Variants in NHS observed in about 807,000 individuals in gnomAD.
NHS encodes NHS actin remodeling regulator, also known as actin remodeling regulator NHS.
A neutral mutation model predicts 72.5 loss-of-function variants in NHS; 5 were observed. The observed-to-expected ratio is 0.07, with a 90% CI of 0.04 to 0.14. The LOEUF is 0.14. Among genes scored for constraint, NHS ranks in the 10% least tolerant of loss-of-function variants. The probability of loss-of-function intolerance (pLI) is 1.00; values close to 1 mark genes in which losing one functional copy is unlikely to be tolerated. For missense variants in NHS, 1,072 were observed against 1,355.7 expected, an observed-to-expected ratio of 0.79 and a Z score of 3.29; for synonymous variants, 464 against 547.7, an observed-to-expected ratio of 0.85 and a Z score of 2.13.
intron 1 of NHS, among the ~76,000 whole-genome samples, chrX:17,560,297 C>G (rs775095048): frequency 3.6e-5 from 4 of 112,377 alleles, no homozygotes; most frequent in African/African-American, 1.3e-4. Context: ...ATTTCTGGGT[C>G]ACAGGCTAGC....
Position 17,732,111 on chromosome X carries a change from T to A in NHS, c.4603T>A (p.Ser1535Thr), listed in dbSNP as rs1267483118. ...GSRSDSSYRMSATEILKSPIL... is the reference protein window; with the variant it reads ...GSRSDSSYRMTATEILKSPIL... ...TCGCTCAGATTCTAGTTACCGCATGTCTGCCACTGAGATCCTGAAGAGCCC... is the reference window on the plus strand; with the variant it reads ...TCGCTCAGATTCTAGTTACCGCATGACTGCCACTGAGATCCTGAAGAGCCC... Residue 1535 changes from serine (S) to threonine (T), a missense_variant, in exon 9 of 9, where the codon TCT becomes ACT. Coordinates refer to ENST00000676302, the MANE Select transcript of NHS (RefSeq NM_001291867.2). 3 of 1,211,899 alleles carry A rather than the reference T, an allele frequency of 2.5e-6. No homozygotes were observed. The East Asian group carries it at 8.9e-5, about 36-fold the overall frequency.
At chrX:17,610,562 G>T (rs769953335) in intron 1 of NHS, among the ~76,000 whole-genome samples, 1 of 111,932 alleles carries the variant, frequency 8.9e-6, no homozygotes, top group East Asian at 2.8e-4. Flanking sequence ...TCATCCTTTA[G>T]TGCTGCCATT....
chrX:17,468,193 T>C (rs1352998371), intron 1 of NHS, among the ~76,000 whole-genome samples: 1 of 111,348 alleles, frequency 9.0e-6, no homozygotes, highest in East Asian at 2.8e-4. Context: ...CATCATGCTA[T>C]TTGCCAGTGT....
chrX:17,396,699 C>G, intron 1 of NHS, among the ~76,000 whole-genome samples: 1 of 112,035 alleles, frequency 8.9e-6, no homozygotes, highest in Non-Finnish European at 1.9e-5. Context: ...GATGCCTACT[C>G]TGCTCTACAG....
intron 1 of NHS, among the ~76,000 whole-genome samples, chrX:17,411,049 A>T (rs2064555410): frequency 8.9e-6 from 1 of 111,911 alleles, no homozygotes; most frequent in East Asian, 2.8e-4. Context: ...ATGGCAGGTT[A>T]ATCTTTTCCC....
At position 17,732,654 on chromosome X, in the gene NHS, A is replaced by G; in HGVS notation, c.*190A>G. 1.8e-6 allele frequency: 1 copy of G among 558,096 alleles called. No homozygotes were observed. Among genetic ancestry groups the G allele is most frequent in the Non-Finnish European group, 2.9e-6 (1 of 348,665 alleles). The allele number at this position is 558,096 out of a possible 1,213,427, so 46.0% of individuals were successfully genotyped here. On this transcript the variant is annotated 3_prime_UTR_variant, in exon 9 of 9. Transcript: ENST00000676302. ...GTTTAGACATTCTTGATTAGTTTCC[A>G]TATTTTAAGTAGCTGCAGTCTTTCA...
At chrX:17,692,170 C>A (rs987160424) in intron 2 of NHS, among the ~76,000 whole-genome samples, 165 bp from the exon 3 acceptor site, 1 of 110,205 alleles carries the variant, frequency 9.1e-6, no homozygotes, top group Non-Finnish European at 1.9e-5. Flanking sequence ...AGTGAAAGTT[C>A]AATTAAAAAC....
chrX:17,414,825 G>A (rs1161824507), intron 1 of NHS, among the ~76,000 whole-genome samples: 2 of 112,028 alleles, frequency 1.8e-5, no homozygotes, highest in African/African-American at 6.5e-5. Flanking sequence ...AACACAGAGA[G>A]AAAGACAGAC....
intron 1 of NHS, among the ~76,000 whole-genome samples, chrX:17,641,099 T>C (rs1305320493): frequency 4.4e-5 from 5 of 112,701 alleles, no homozygotes; most frequent in Non-Finnish European, 9.4e-5. Flanking sequence ...ACTGAGTTTC[T>C]AGTTGCTTCT....
intron 1 of NHS, among the ~76,000 whole-genome samples, chrX:17,628,019 T>C (rs1157563758): frequency 8.8e-6 from 1 of 113,122 alleles, no homozygotes; most frequent in Non-Finnish European, 1.9e-5. Flanking sequence ...GTTTTATTTC[T>C]GTAAGGCCAG....
chrX:17,451,102 A>T (rs2064803654), intron 1 of NHS, among the ~76,000 whole-genome samples: 1 of 112,526 alleles, frequency 8.9e-6, no homozygotes. Context: ...ATAAGTTTTT[A>T]TATTGATTAC....
At chrX:17,393,209 A>G (rs2064454160) in intron 1 of NHS, among the ~76,000 whole-genome samples, 1 of 111,737 alleles carries the variant, frequency 8.9e-6, no homozygotes, top group East Asian at 2.8e-4. Context: ...AAGTTTTACA[A>G]AACTTTGTTC....
chrX:17,575,782 C>A (rs2146978865), intron 1 of NHS, among the ~76,000 whole-genome samples: 1 of 111,849 alleles, frequency 8.9e-6, no homozygotes, highest in East Asian at 2.8e-4. Flanking sequence ...ACAAATGGCT[C>A]ATGTATCTGG....
chrX:17,729,594 C>T (rs1389149523), intron 8 of NHS, among the ~76,000 whole-genome samples: 3 of 112,273 alleles, frequency 2.7e-5, no homozygotes, highest in Non-Finnish European at 5.6e-5. Context: ...AGTGTTGTGT[C>T]CATGCTGCAA....
At chrX:17,391,463 A>G (rs978506530) in intron 1 of NHS, among the ~76,000 whole-genome samples, 3 of 112,154 alleles carry the variant, frequency 2.7e-5, no homozygotes, top group Non-Finnish European at 5.6e-5. Flanking sequence ...TATACATACT[A>G]TGGGCTAATA....
chrX:17,717,688 G>A (rs1364329556), intron 3 of NHS, among the ~76,000 whole-genome samples: 1 of 112,075 alleles, frequency 8.9e-6, no homozygotes, highest in Non-Finnish European at 1.9e-5. Context: ...AACAGTGACA[G>A]CACAACCTGA....
intron 1 of NHS, among the ~76,000 whole-genome samples, chrX:17,426,670 TCA>T (rs1175778999): frequency 4.5e-4 from 50 of 112,333 alleles, no homozygotes; most frequent in African/African-American, 1.6e-3. Flanking sequence ...TGCACATCAT[TCA>T]CAGTGACCAG....
intron 1 of NHS, among the ~76,000 whole-genome samples, chrX:17,437,542 A>G (rs1334910875): frequency 9.0e-6 from 1 of 111,401 alleles, no homozygotes; most frequent in Non-Finnish European, 1.9e-5. Context: ...CCAGGACAGG[A>G]ATGAGATCCC....
chrX:17,576,439 C>G (rs976787151), intron 1 of NHS, among the ~76,000 whole-genome samples: 1 of 111,770 alleles, frequency 8.9e-6, no homozygotes, highest in African/African-American at 3.3e-5. Context: ...CATCACCCCA[C>G]CTTTGTCCTG....
Sources: allele counts gnomAD v4.1 joint callset (sites outside exome capture counted in the v4.1 genomes callset), GRCh38; gene constraint gnomAD v4.1.1; transcripts MANE v1.5; gene names NCBI Gene and HGNC (gene_info 2026-07-23, HGNC 2026-07-21).